The following ANO2 variants were observed in gnomAD, a reference collection of about 807,000 sequenced individuals.
ANO2 encodes the protein anoctamin 2.
A neutral mutation model predicts 124.2 loss-of-function variants in ANO2; 101 were observed. The ratio of observed to expected loss-of-function variants is 0.81; its 90% confidence interval spans 0.69 to 0.96. ANO2 has a LOEUF of 0.96. Ranked by LOEUF, ANO2 falls within the 40% of genes least tolerant of loss-of-function variation. The pLI is 0.00. For missense variants in ANO2, 1,293 were observed against 1,274.5 expected (o/e 1.01, Z -0.22); for synonymous variants, 486 against 482.5 (o/e 1.01, Z -0.09).
chr12:5,883,047 G>A (rs927682218), intron 3 of ANO2, among the ~76,000 whole-genome samples: 5 of 152,224 alleles, frequency 3.3e-5, no homozygotes, highest in Admixed American at 3.3e-4. Flanking sequence ...TTATCAGTAG[G>A]GAGCATTCAC....
chr12:5,876,177 G>A (rs1015306964), intron 3 of ANO2, among the ~76,000 whole-genome samples: 6 of 152,148 alleles, frequency 3.9e-5, no homozygotes, highest in South Asian at 2.1e-4. Context: ...GGGGTTCTTA[G>A]AGCATTATTT....
intron 14 of ANO2, among the ~76,000 whole-genome samples, chr12:5,684,132 G>T (rs1001453352): frequency 1.3e-5 from 2 of 152,156 alleles, no homozygotes; most frequent in Admixed American, 6.5e-5. Flanking sequence ...CATGCCAGGT[G>T]TCCCTCCCAC....
chr12:5,652,839 A>T (rs1372205691), intron 14 of ANO2, among the ~76,000 whole-genome samples: 1 of 151,532 alleles, frequency 6.6e-6, no homozygotes, highest in Non-Finnish European at 1.5e-5. Context: ...TATCTGTCAG[A>T]TTTTTCTATT....
At chr12:5,569,702 G>A (rs17181375) in intron 23 of ANO2, among the ~76,000 whole-genome samples, 18,815 of 152,120 alleles carry the variant, frequency 0.12, 1,199 homozygotes, top group South Asian at 0.22. Context: ...ATCCCAGCCA[G>A]GAGTGAATAA....
chr12:5,916,560 T>C (rs186858517), intron 3 of ANO2, among the ~76,000 whole-genome samples: 1 of 149,128 alleles, frequency 6.7e-6, no homozygotes. Context: ...TAGTTAATGA[T>C]AATGTGTCAG....
At chr12:5,767,507 A>G (rs997176434) in intron 10 of ANO2, among the ~76,000 whole-genome samples, 1 of 152,234 alleles carries the variant, frequency 6.6e-6, no homozygotes, top group African/African-American at 2.4e-5. Context: ...AAGAAAGGAA[A>G]TGAAACATTT....
intron 14 of ANO2, among the ~76,000 whole-genome samples, chr12:5,679,139 A>C (rs1159927735): frequency 1.3e-5 from 2 of 150,348 alleles, no homozygotes; most frequent in Non-Finnish European, 3.0e-5. Flanking sequence ...AATTAACTCA[A>C]GATGGATTAA....
Position 5,925,352 on chromosome 12 carries a change from G to T in ANO2, c.23-2548C>A, listed in dbSNP as rs1942032728. The stretch of plus-strand genomic sequence containing the variant: ...AGGGCCCTCACTAGCCATCGCAGTT[G>T]CTCCCCCGGCTCGCTCTCTGACACA... On this transcript the variant is annotated intron_variant, in intron 1 of 24. Transcript: ENST00000682330. This position sits in a 1 kb window ranked among gnomAD's most constrained non-coding sequence, Gnocchi z 4.6. Among the ~76,000 whole-genome samples the T allele has an allele frequency of 6.6e-6, 1 of 152,156 alleles. No individual in the cohort carries two copies. Among genetic ancestry groups the T allele is most frequent in the Non-Finnish European group, 1.5e-5 (1 of 68,024 alleles).
intron 10 of ANO2, among the ~76,000 whole-genome samples, chr12:5,756,265 C>A (rs1375174363): frequency 1.3e-5 from 2 of 151,956 alleles, no homozygotes; most frequent in East Asian, 1.9e-4. Flanking sequence ...ATGTTATACT[C>A]CTAATTGTGT....
intron 14 of ANO2, among the ~76,000 whole-genome samples, chr12:5,681,210 G>A (rs1948473844): frequency 6.6e-6 from 1 of 152,182 alleles, no homozygotes; most frequent in Non-Finnish European, 1.5e-5. Context: ...TGAAAGTCTG[G>A]GCCGAAAACA....
chr12:5,714,254 T>C (rs1052527522), intron 14 of ANO2, among the ~76,000 whole-genome samples: 2 of 152,116 alleles, frequency 1.3e-5, no homozygotes, highest in Admixed American at 1.3e-4. Context: ...TGTGTCCGAG[T>C]CTCTGAGTCT....
chr12:5,800,900 TAG>T (rs1329402171), intron 9 of ANO2, among the ~76,000 whole-genome samples: 4 of 152,128 alleles, frequency 2.6e-5, no homozygotes, highest in Admixed American at 1.3e-4. Context: ...ATAGTAAGTA[TAG>T]AAGATGCCTG....
intron 3 of ANO2, among the ~76,000 whole-genome samples, chr12:5,897,446 T>C (rs537472039): frequency 6.6e-6 from 1 of 152,110 alleles, no homozygotes; most frequent in African/African-American, 2.4e-5. Flanking sequence ...GTAGGCTGAG[T>C]GACAGGTAAA....
intron 23 of ANO2, among the ~76,000 whole-genome samples, chr12:5,567,889 C>T (rs780596770): frequency 7.2e-5 from 11 of 152,176 alleles, no homozygotes; most frequent in Non-Finnish European, 1.5e-4. Context: ...AGTGTAGCTC[C>T]GTTAGGAACT....
At chr12:5,789,347 C>A (rs1018664228) in intron 10 of ANO2, among the ~76,000 whole-genome samples, 1 of 152,228 alleles carries the variant, frequency 6.6e-6, no homozygotes, top group Admixed American at 6.5e-5. Flanking sequence ...GGAAATCATA[C>A]CATTGCCCTC....
intron 19 of ANO2, among the ~76,000 whole-genome samples, chr12:5,608,395 C>T (rs1944321536): frequency 6.6e-6 from 1 of 151,702 alleles, no homozygotes; most frequent in South Asian, 2.1e-4. Context: ...TTTTGTTCTA[C>T]ATCCTTGAAT....
chr12:5,939,251 AG>A (rs1255499120), intron 1 of ANO2, among the ~76,000 whole-genome samples: 2 of 150,476 alleles, frequency 1.3e-5, no homozygotes, highest in African/African-American at 4.9e-5. Flanking sequence ...TGTTTCCTCA[AG>A]AACACTTGAT....
chr12:5,711,556 T>G (rs188525395), intron 14 of ANO2, among the ~76,000 whole-genome samples: 44 of 152,318 alleles, frequency 2.9e-4, no homozygotes, highest in Non-Finnish European at 5.3e-4. Flanking sequence ...GCCCAGAGAA[T>G]AAAAATTGCA....
At chr12:5,926,414 T>C (rs1489391117) in intron 1 of ANO2, among the ~76,000 whole-genome samples, 1 of 152,164 alleles carries the variant, frequency 6.6e-6, no homozygotes, top group Non-Finnish European at 1.5e-5. Flanking sequence ...CACAAACTTA[T>C]GGGGCTCCCA....
Sources: gnomAD v4.1 joint callset for allele counts (sites outside exome capture counted in the v4.1 genomes callset) on GRCh38, gnomAD v4.1.1 for gene constraint, Gnocchi (gnomAD v3.1) non-coding constraint, MANE v1.5 for transcripts, NCBI Gene and HGNC (gene_info 2026-07-23, HGNC 2026-07-21) for gene names.